BMPR1B: variants seen among roughly 807,000 people sequenced by gnomAD.
The protein encoded by BMPR1B is bone morphogenetic protein receptor type 1B.
Under a neutral mutation model 59.1 loss-of-function variants are expected in BMPR1B, and 12 were observed. The observed-to-expected ratio is 0.20, with a 90% CI of 0.13 to 0.33. BMPR1B has a LOEUF of 0.33. BMPR1B is among the 10% of genes least tolerant of loss of function. BMPR1B has a pLI of 1.00. For synonymous variants in BMPR1B, 237 were observed against 207.3 expected (o/e 1.14, Z -1.23); for missense variants, 550 against 610.9 (o/e 0.90, Z 1.05).
intron 2 of BMPR1B, among the ~76,000 whole-genome samples, chr4:94,888,920 C>T (rs1337959322): frequency 2.0e-5 from 3 of 150,960 alleles, no homozygotes; most frequent in Non-Finnish European, 4.4e-5. Context: ...TTGTTTCTTA[C>T]ACTGGAAAAG....
intron 3 of BMPR1B, among the ~76,000 whole-genome samples, chr4:95,090,305 A>C (rs1377193338): frequency 6.6e-6 from 1 of 151,740 alleles, no homozygotes; most frequent in Non-Finnish European, 1.5e-5. Context: ...TTTTATAAAA[A>C]TTATATTTAC....
intron 2 of BMPR1B, among the ~76,000 whole-genome samples, chr4:94,951,539 T>A (rs1729936017): frequency 6.6e-6 from 1 of 152,136 alleles, no homozygotes; most frequent in Non-Finnish European, 1.5e-5. Flanking sequence ...ATTACGTGCT[T>A]TTTGTCATTG....
chr4:94,917,491 G>T (rs1728527753), intron 2 of BMPR1B, among the ~76,000 whole-genome samples: 2 of 152,302 alleles, frequency 1.3e-5, no homozygotes, highest in African/African-American at 2.4e-5. Flanking sequence ...AGGTTATTTT[G>T]GAGCTTTAAG....
At chr4:94,825,252 C>G (rs1724342929) in intron 1 of BMPR1B, among the ~76,000 whole-genome samples, 1 of 152,154 alleles carries the variant, frequency 6.6e-6, no homozygotes, top group Non-Finnish European at 1.5e-5. Flanking sequence ...CCTGTAATCC[C>G]AGCTACTCAG....
At chr4:94,814,083 A>G (rs1200041837) in intron 1 of BMPR1B, among the ~76,000 whole-genome samples, 1 of 152,204 alleles carries the variant, frequency 6.6e-6, no homozygotes, top group East Asian at 1.9e-4. Flanking sequence ...TTTGAGAAAA[A>G]TAGGATTAAT....
chr4:95,073,501 CATA>C (rs1728474832), intron 3 of BMPR1B, among the ~76,000 whole-genome samples: 4 of 152,132 alleles, frequency 2.6e-5, no homozygotes, highest in Admixed American at 2.6e-4. Context: ...CTCCCAACAT[CATA>C]ACCATTTTAC....
chr4:95,082,987 G>A (rs1246877796), intron 3 of BMPR1B, among the ~76,000 whole-genome samples: 2 of 131,136 alleles, frequency 1.5e-5, no homozygotes, highest in East Asian at 2.2e-4. Flanking sequence ...GCAGTGAGCC[G>A]AGATCGCGCC....
intron 3 of BMPR1B, among the ~76,000 whole-genome samples, chr4:95,079,330 C>T (rs926276303): frequency 3.9e-5 from 6 of 152,166 alleles, no homozygotes; most frequent in Non-Finnish European, 7.3e-5. Flanking sequence ...AACTTTATCA[C>T]GTGCGTGCCA....
At chr4:95,080,459 C>G (rs1560637581) in intron 3 of BMPR1B, among the ~76,000 whole-genome samples, 3 of 152,156 alleles carry the variant, frequency 2.0e-5, no homozygotes, top group Non-Finnish European at 4.4e-5. Context: ...TGGTCTCAAA[C>G]TCCTGACCTT....
At chr4:95,056,521 A>G (rs1215912777) in intron 3 of BMPR1B, among the ~76,000 whole-genome samples, 3 of 152,210 alleles carry the variant, frequency 2.0e-5, no homozygotes, top group African/African-American at 7.2e-5. Context: ...CACAGGCCTC[A>G]TGGGACCCAG....
At chr4:95,035,757 A>G (rs1192375928) in intron 3 of BMPR1B, among the ~76,000 whole-genome samples, 2 of 152,130 alleles carry the variant, frequency 1.3e-5, no homozygotes, top group East Asian at 3.9e-4. Flanking sequence ...TGCTTTGTCT[A>G]TACAGACTCT....
intron 2 of BMPR1B, among the ~76,000 whole-genome samples, chr4:94,929,553 T>G (rs1445063078): frequency 6.6e-6 from 1 of 152,066 alleles, no homozygotes; most frequent in Non-Finnish European, 1.5e-5. Flanking sequence ...CCTCACCCAC[T>G]TCTGACCACT....
chr4:95,033,788 A>G (rs554494661), intron 3 of BMPR1B, among the ~76,000 whole-genome samples: 1 of 152,310 alleles, frequency 6.6e-6, no homozygotes, highest in South Asian at 2.1e-4. Context: ...TTTTAAAGAT[A>G]TCAAAGATAG....
intron 3 of BMPR1B, among the ~76,000 whole-genome samples, chr4:95,040,560 G>A (rs1040679223): frequency 5.3e-5 from 8 of 152,158 alleles, no homozygotes; most frequent in Non-Finnish European, 8.8e-5. Context: ...GGATGCTTTA[G>A]CACTAATTTG....
At chr4:94,969,994 T>C (rs138008413) in intron 2 of BMPR1B, among the ~76,000 whole-genome samples, 1 of 152,344 alleles carries the variant, frequency 6.6e-6, no homozygotes, top group East Asian at 1.9e-4. Flanking sequence ...TCTTATACTT[T>C]TAAATGGTTT....
intron 1 of BMPR1B, among the ~76,000 whole-genome samples, chr4:94,841,152 A>G (rs376981624): frequency 0.041 from 5,472 of 133,778 alleles, 178 homozygotes; most frequent in Middle Eastern, 0.073. Context: ...TGGGAGAACC[A>G]CTGCTCTCTT....
intron 3 of BMPR1B, among the ~76,000 whole-genome samples, chr4:95,086,775 T>C (rs183913374): frequency 1.4e-3 from 206 of 152,266 alleles, no homozygotes; most frequent in African/African-American, 4.7e-3. Context: ...AGAGATCAGA[T>C]TCCAGGCTAA....
intron 2 of BMPR1B, among the ~76,000 whole-genome samples, chr4:94,941,657 G>C (rs563891467): frequency 6.6e-5 from 10 of 152,034 alleles, no homozygotes; most frequent in Non-Finnish European, 1.5e-4. Flanking sequence ...ACTTTTTCAC[G>C]TATCTGTAGG....
intron 12 of BMPR1B, among the ~76,000 whole-genome samples, chr4:95,153,859 CAACAAA>C (rs1234109105): frequency 3.3e-5 from 5 of 152,052 alleles, no homozygotes; most frequent in African/African-American, 1.2e-4. Flanking sequence ...AAACAAACAA[CAACAAA>C]AACAAAAACA....
Sources: gnomAD v4.1 joint callset for allele counts (sites outside exome capture counted in the v4.1 genomes callset) on GRCh38, gnomAD v4.1.1 for gene constraint, MANE v1.5 for transcripts, NCBI Gene and HGNC (gene_info 2026-07-23, HGNC 2026-07-21) for gene names.